Variants in ENDOD1 observed in about 807,000 individuals in gnomAD.
ENDOD1 encodes the protein endonuclease domain containing 1.
ENDOD1 carries 9 observed loss-of-function variants against 6.5 expected under a neutral mutation model. The ratio of observed to expected loss-of-function variants is 1.39; its 90% CI spans 0.84 to 2.43. ENDOD1 has a LOEUF of 2.43. ENDOD1 is among the 30% of genes most tolerant of loss of function. ENDOD1 has a pLI of 0.00. For missense variants in ENDOD1, 648 were observed against 635.5 expected, an observed-to-expected ratio of 1.02 and a Z score of -0.21; for synonymous variants, 255 against 255.2, an observed-to-expected ratio of 1.00 and a Z score of 0.01.
At chr11:95,122,141 A>G (rs1193327522) in intron 1 of ENDOD1, among the ~76,000 whole-genome samples, 1 of 152,220 alleles carries the variant, frequency 6.6e-6, no homozygotes, top group Non-Finnish European at 1.5e-5. Context: ...GGAAAAATAC[A>G]TCTACTCTTT....
intron 1 of ENDOD1, among the ~76,000 whole-genome samples, chr11:95,114,808 G>A (rs145658679): frequency 0.016 from 2,380 of 152,218 alleles, 55 homozygotes; most frequent in African/African-American, 0.054. Flanking sequence ...CACTGTAGGC[G>A]TGTGGATTTG....
chr11:95,113,759 A>G (rs1315454088), intron 1 of ENDOD1, among the ~76,000 whole-genome samples: 1 of 152,216 alleles, frequency 6.6e-6, no homozygotes, highest in Non-Finnish European at 1.5e-5. Flanking sequence ...TTTGGGGTAT[A>G]TACTCAGAAG....
intron 1 of ENDOD1, among the ~76,000 whole-genome samples, chr11:95,107,687 G>A (rs1190393838): frequency 1.3e-5 from 2 of 151,680 alleles, no homozygotes; most frequent in Non-Finnish European, 2.9e-5. Context: ...TTGAGACGGA[G>A]TCTTGCTCTG....
chr11:95,099,977 C>T (rs925149), intron 1 of ENDOD1, among the ~76,000 whole-genome samples: 15,419 of 152,090 alleles, frequency 0.1, 876 homozygotes, highest in South Asian at 0.2. Flanking sequence ...ACTATGTTCT[C>T]GGGACACGCA....
At chr11:95,109,545 A>C (rs573169492) in intron 1 of ENDOD1, among the ~76,000 whole-genome samples, 7 of 152,340 alleles carry the variant, frequency 4.6e-5, no homozygotes, top group Admixed American at 1.3e-4. Context: ...CTGGCCCTTC[A>C]ATTCAGTGGT....
intron 1 of ENDOD1, among the ~76,000 whole-genome samples, chr11:95,098,530 A>C (rs1285550742): frequency 6.6e-5 from 10 of 152,148 alleles, no homozygotes; most frequent in African/African-American, 2.4e-4. Context: ...AAATATGTAC[A>C]ATTCTTTGTA....
At chr11:95,101,995 T>C (rs1555110925) in intron 1 of ENDOD1, among the ~76,000 whole-genome samples, 2 of 152,186 alleles carry the variant, frequency 1.3e-5, no homozygotes, top group Non-Finnish European at 2.9e-5. Context: ...CTTTCAAGAA[T>C]ATATAACTCA....
rs1859372442 is a variant in ENDOD1 at position 95,131,652 on chromosome 11, T to G, written c.*2073T>G. 6.6e-6 allele frequency: 1 copy of G among 152,250 alleles called. No individual in the cohort carries two copies. Among genetic ancestry groups the G allele is most frequent in the African/African-American group, 2.4e-5 (1 of 41,466 alleles). 9.4% of individuals were successfully genotyped at this position (152,250 alleles called of 1,614,324 possible). A position where few individuals can be genotyped will look rare whatever the true frequency, so the allele number is the denominator to read the frequency against. ...AAGCAGTTGGATTTGGCATGTGTGA[T>G]GAAAACAATTAGCCATCCATGTACA... is the stretch of plus-strand genomic sequence containing the variant. On this transcript the variant is annotated 3_prime_UTR_variant, in exon 2 of 2. Transcript: ENST00000278505.
At chr11:95,090,343 G>A in intron 1 of ENDOD1, 116 bp downstream of exon 1, 1 of 1,287,362 alleles carries the variant, frequency 7.8e-7, no homozygotes, top group Non-Finnish European at 9.9e-7. Context: ...CTACGCCTTC[G>A]GTGCCTTGGG....
intron 1 of ENDOD1, among the ~76,000 whole-genome samples, chr11:95,108,679 G>C (rs1171064220): frequency 6.6e-6 from 1 of 152,060 alleles, no homozygotes; most frequent in South Asian, 2.1e-4. Flanking sequence ...TTTCCTGAGA[G>C]CTGAAAAGGC....
intron 1 of ENDOD1, among the ~76,000 whole-genome samples, chr11:95,093,653 G>A (rs1478451277): frequency 1.3e-5 from 2 of 152,310 alleles, no homozygotes; most frequent in Admixed American, 1.3e-4. Context: ...CGCGATAAGT[G>A]TTGAATAAAA....
At chr11:95,103,124 T>TGTGTGC (rs1282985907) in intron 1 of ENDOD1, among the ~76,000 whole-genome samples, 1 of 151,938 alleles carries the variant, frequency 6.6e-6, no homozygotes, top group African/African-American at 2.4e-5. Context: ...TGTGTGTGTG[T>TGTGTGC]GTGTGTGTGT....
chr11:95,114,296 A>G (rs917785560), intron 1 of ENDOD1, among the ~76,000 whole-genome samples: 1 of 147,488 alleles, frequency 6.8e-6, no homozygotes, highest in Non-Finnish European at 1.5e-5. Flanking sequence ...TTTTGTAGAG[A>G]CGGGGTTTCA....
chr11:95,113,672 AAAATCTTAGCTATTGTG>A (rs1305067049), intron 1 of ENDOD1, among the ~76,000 whole-genome samples: 6 of 152,294 alleles, frequency 3.9e-5, no homozygotes, highest in Admixed American at 6.5e-5. Context: ...AGGTTGTTTC[AAAATCTTAGCTATTGTG>A]AACAGTGCTG....
chr11:95,127,761 CAG>C (rs1859325213), intron 1 of ENDOD1, among the ~76,000 whole-genome samples: 1 of 91,906 alleles, frequency 1.1e-5, no homozygotes, highest in African/African-American at 4.2e-5. Context: ...GAAACTACAA[CAG>C]ATTTTTTTTT....
intron 1 of ENDOD1, among the ~76,000 whole-genome samples, chr11:95,116,153 G>C (rs1859206852): frequency 6.6e-6 from 1 of 152,030 alleles, no homozygotes; most frequent in Admixed American, 6.5e-5. Flanking sequence ...TTTTATTATA[G>C]CTTCGATCTC....
chr11:95,103,101 GT>G (rs1555111085), intron 1 of ENDOD1, among the ~76,000 whole-genome samples: 25 of 16,740 alleles, frequency 1.5e-3, no homozygotes, highest in South Asian at 6.7e-3. Context: ...GGCAGAGTGG[GT>G]GTGTGTGTGT....
rs184606168 is a variant in ENDOD1 at position 95,128,682 on chromosome 11, A to G, written c.606A>G (p.Thr202=). 2.3e-3 allele frequency: 3,669 copies of G among 1,614,212 alleles called. 8 individuals carry two copies. Among genetic ancestry groups the G allele is most frequent in the Non-Finnish European group, 2.8e-3 (3,262 of 1,180,044 alleles). Residue 202 remains threonine, a synonymous_variant, in exon 2 of 2, where the codon ACA becomes ACG. Transcript: ENST00000278505. The part of the protein sequence containing the change: ...SGEDLYILTG[T]VPSDYRVKDK... ...AAGACCTATATATCCTCACAGGCAC[A>G]GTGCCCTCAGACTACAGAGTTAAAG...
chr11:95,098,712 G>A (rs961142488), intron 1 of ENDOD1, among the ~76,000 whole-genome samples: 2 of 151,212 alleles, frequency 1.3e-5, no homozygotes, highest in Non-Finnish European at 2.9e-5. Flanking sequence ...TTTTTCACAT[G>A]TAATTTCATG....
Sources: allele counts gnomAD v4.1 joint callset (sites outside exome capture counted in the v4.1 genomes callset), GRCh38; gene constraint gnomAD v4.1.1; transcripts MANE v1.5; gene names NCBI Gene and HGNC (gene_info 2026-07-23, HGNC 2026-07-21).